GRIP1: variants seen among roughly 807,000 people sequenced by gnomAD.
GRIP1 encodes glutamate receptor interacting protein 1.
GRIP1 carries 45 observed loss-of-function variants against 129.9 expected under a neutral mutation model. The observed-to-expected ratio is 0.35, with a 90% confidence interval of 0.27 to 0.44. GRIP1 has a LOEUF of 0.44. Among genes scored for constraint, GRIP1 ranks in the 20% least tolerant of loss-of-function variants. GRIP1 has a pLI of 1.00. For synonymous variants in GRIP1, 530 were observed against 520.8 expected (o/e 1.02, Z -0.24); for missense variants, 1,196 against 1,396.8 (o/e 0.86, Z 2.29).
At chr12:66,919,625 C>T (rs2041181540) in intron 1 of GRIP1, among the ~76,000 whole-genome samples, 2 of 152,124 alleles carry the variant, frequency 1.3e-5, no homozygotes, top group Non-Finnish European at 2.9e-5. Flanking sequence ...ACCTCAATGA[C>T]ACCAATGAAA....
At chr12:66,419,271 G>T (rs1410528596) in intron 15 of GRIP1, among the ~76,000 whole-genome samples, 1 of 152,084 alleles carries the variant, frequency 6.6e-6, no homozygotes, top group Non-Finnish European at 1.5e-5. Context: ...GAGAGAGAGA[G>T]AGTAGAAGGA....
At chr12:66,979,252 A>AAAAAAAAAAAAAAAACAAC (rs772753895) in intron 1 of GRIP1, among the ~76,000 whole-genome samples, 3 of 110,160 alleles carry the variant, frequency 2.7e-5, no homozygotes, top group Non-Finnish European at 5.4e-5. Flanking sequence ...AAAAAAAAAA[A>AAAAAAAAAAAAAAAACAAC]AACAAGCCCG....
At chr12:66,383,735 T>C (rs1466548921) in intron 19 of GRIP1, among the ~76,000 whole-genome samples, 3 of 152,312 alleles carry the variant, frequency 2.0e-5, no homozygotes, top group East Asian at 3.9e-4. Context: ...AGAACATTCA[T>C]TCTCTTCTTC....
chr12:66,540,419 G>C (rs527422220), intron 3 of GRIP1, among the ~76,000 whole-genome samples: 1 of 152,276 alleles, frequency 6.6e-6, no homozygotes, highest in Non-Finnish European at 1.5e-5. Context: ...CTTGCCTTAA[G>C]GGAGAGCTAT....
chr12:67,031,114 C>A (rs2043015761), intron 1 of GRIP1, among the ~76,000 whole-genome samples: 2 of 152,152 alleles, frequency 1.3e-5, no homozygotes. Context: ...AGTCTCCCAA[C>A]AGAGGCTTCT....
intron 1 of GRIP1, among the ~76,000 whole-genome samples, chr12:66,982,380 T>TCC (rs2042251782): frequency 6.6e-6 from 1 of 152,070 alleles, no homozygotes; most frequent in Non-Finnish European, 1.5e-5. Flanking sequence ...CCTTATATAT[T>TCC]CCCCTCCAGT....
chr12:66,657,985 T>A (rs1306142889), intron 1 of GRIP1, among the ~76,000 whole-genome samples: 1 of 152,230 alleles, frequency 6.6e-6, no homozygotes, highest in Non-Finnish European at 1.5e-5. Flanking sequence ...TATTAGTCAG[T>A]AGTTTACAGT....
chr12:66,531,236 A>C (rs2061435792), intron 4 of GRIP1, among the ~76,000 whole-genome samples: 1 of 11,598 alleles, frequency 8.6e-5, no homozygotes, highest in Non-Finnish European at 1.3e-4. Context: ...ACTCTGTCTC[A>C]AAAAAAAAAA....
intron 1 of GRIP1, among the ~76,000 whole-genome samples, chr12:67,038,200 G>A (rs2043127043): frequency 6.6e-6 from 1 of 152,170 alleles, no homozygotes; most frequent in African/African-American, 2.4e-5. Flanking sequence ...GGCAGACAAT[G>A]GAGAAAGGGA....
At chr12:66,722,865 C>G (rs2036101882) in intron 1 of GRIP1, among the ~76,000 whole-genome samples, 1 of 152,120 alleles carries the variant, frequency 6.6e-6, no homozygotes, top group Admixed American at 6.5e-5. Flanking sequence ...ATTCTATCCC[C>G]AGTCACGTTA....
intron 23 of GRIP1, 59 bp downstream of exon 23, chr12:66,371,635 A>G: frequency 1.9e-6 from 2 of 1,061,276 alleles, no homozygotes; most frequent in South Asian, 1.3e-5. Context: ...CTCGGCGTAC[A>G]TGCTATGCAG....
chr12:66,650,632 A>G (rs187122611), intron 1 of GRIP1, among the ~76,000 whole-genome samples: 1 of 152,336 alleles, frequency 6.6e-6, no homozygotes, highest in East Asian at 1.9e-4. Context: ...CACTATGATT[A>G]ACTATCAGCA....
intron 2 of GRIP1, among the ~76,000 whole-genome samples, chr12:66,563,332 C>T (rs2062607776): frequency 6.6e-6 from 1 of 152,020 alleles, no homozygotes; most frequent in Admixed American, 6.6e-5. Flanking sequence ...TTTAGAAATG[C>T]TTTTCAACAT....
chr12:66,991,730 TA>T (rs1205362357), intron 1 of GRIP1, among the ~76,000 whole-genome samples: 2 of 152,160 alleles, frequency 1.3e-5, no homozygotes, highest in Admixed American at 6.5e-5. Flanking sequence ...AAAAGCAGTG[TA>T]AAAAAATTTA....
intron 1 of GRIP1, among the ~76,000 whole-genome samples, chr12:67,043,229 G>A (rs905755890): frequency 6.6e-5 from 10 of 152,138 alleles, no homozygotes; most frequent in African/African-American, 1.2e-4. Context: ...TGAAAGCCAC[G>A]AATTAAGTAT....
chr12:66,429,130 A>G (rs1045354062), intron 14 of GRIP1, among the ~76,000 whole-genome samples: 1 of 152,234 alleles, frequency 6.6e-6, no homozygotes, highest in Admixed American at 6.5e-5. Context: ...CACTGTGTCT[A>G]AAATCAGACA....
At chr12:66,568,854 C>A in intron 2 of GRIP1, 4 of 447,472 alleles carry the variant, frequency 8.9e-6, no homozygotes, top group South Asian at 7.1e-5. Flanking sequence ...TCCAACTGGT[C>A]AGGAAGATGA....
intron 1 of GRIP1, among the ~76,000 whole-genome samples, chr12:66,779,881 A>G (rs2038100422): frequency 6.6e-6 from 1 of 152,234 alleles, no homozygotes; most frequent in South Asian, 2.1e-4. Flanking sequence ...TTAAAATGAT[A>G]TTTGCATATT....
rs1297889117 is a variant in GRIP1 at position 67,011,493 on chromosome 12, T to C, written c.58+57557A>G. On this transcript the variant is annotated intron_variant, in intron 1 of 1. Transcript: ENST00000643019. ...CAAACCACTCACCTTCACTCCTCCC[T>C]CAGTTGCAGCTCCACTGGCCTTCCT... Among the ~76,000 whole-genome samples, 4 of 152,168 alleles carry C rather than the reference T, an allele frequency of 2.6e-5. No homozygotes were observed. The South Asian group carries it at 6.2e-4, about 24-fold the overall frequency.
Sources: gnomAD v4.1 joint callset for allele counts (sites outside exome capture counted in the v4.1 genomes callset) on GRCh38, gnomAD v4.1.1 for gene constraint, MANE v1.5 for transcripts, NCBI Gene and HGNC (gene_info 2026-07-23, HGNC 2026-07-21) for gene names.